Variants in UNC5D observed in about 807,000 individuals in gnomAD.
UNC5D encodes the protein netrin receptor UNC5D.
Under a neutral mutation model 105.4 loss-of-function variants are expected in UNC5D, and 39 were observed. The ratio of observed to expected loss-of-function variants is 0.37; its 90% CI spans 0.29 to 0.48. The LOEUF (loss-of-function observed/expected upper bound fraction) is 0.48, where lower values mean the gene tolerates loss of function less well. UNC5D is among the 20% of genes least tolerant of loss of function. The probability of loss-of-function intolerance (pLI) is 0.98; values close to 1 mark genes in which losing one functional copy is unlikely to be tolerated. For synonymous variants in UNC5D, 452 were observed against 450.4 expected (o/e 1.00, Z -0.04); for missense variants, 991 against 1,202.4 (o/e 0.82, Z 2.60).
intron 4 of UNC5D, among the ~76,000 whole-genome samples, chr8:35,677,243 T>C (rs1457629445): frequency 1.3e-5 from 2 of 152,162 alleles, no homozygotes; most frequent in Admixed American, 1.3e-4. Flanking sequence ...CATTGCACTA[T>C]CATTTTTTAA....
intron 4 of UNC5D, among the ~76,000 whole-genome samples, chr8:35,621,789 A>T (rs948445201): frequency 1.3e-5 from 2 of 152,190 alleles, no homozygotes; most frequent in African/African-American, 4.8e-5. Context: ...AAGGTGCAGC[A>T]TATTCCTGGA....
intron 1 of UNC5D, among the ~76,000 whole-genome samples, chr8:35,409,922 T>C (rs1297789495): frequency 8.0e-6 from 1 of 124,580 alleles, no homozygotes; most frequent in Non-Finnish European, 1.7e-5. Context: ...TTAAGAATCT[T>C]AGCTCTTTTT....
chr8:35,448,148 T>C (rs982197294), intron 1 of UNC5D, among the ~76,000 whole-genome samples: 12 of 152,112 alleles, frequency 7.9e-5, no homozygotes, highest in Non-Finnish European at 1.5e-4. Flanking sequence ...AAAAAATATA[T>C]ATTCTATTCA....
intron 1 of UNC5D, among the ~76,000 whole-genome samples, chr8:35,334,900 G>A (rs1235430014): frequency 6.6e-6 from 1 of 152,068 alleles, no homozygotes; most frequent in Non-Finnish European, 1.5e-5. Context: ...TTAAGATAAT[G>A]AACATACGCC....
At chr8:35,585,206 CA>C (rs1563560631) in intron 3 of UNC5D, among the ~76,000 whole-genome samples, 1 of 152,230 alleles carries the variant, frequency 6.6e-6, no homozygotes, top group East Asian at 1.9e-4. Flanking sequence ...AATTTACCAG[CA>C]GAGGGATTAC....
At chr8:35,309,122 C>G (rs772878261) in intron 1 of UNC5D, among the ~76,000 whole-genome samples, 1 of 152,144 alleles carries the variant, frequency 6.6e-6, no homozygotes, top group Non-Finnish European at 1.5e-5. Flanking sequence ...TCCTCATGAA[C>G]AATTCTGGGA....
intron 1 of UNC5D, among the ~76,000 whole-genome samples, chr8:35,547,629 G>C (rs1013922367): frequency 6.6e-6 from 1 of 152,102 alleles, no homozygotes; most frequent in African/African-American, 2.4e-5. Flanking sequence ...AATGAATTGG[G>C]TTTACCATTG....
chr8:35,375,792 G>A (rs1452862047), intron 1 of UNC5D, among the ~76,000 whole-genome samples: 1 of 152,148 alleles, frequency 6.6e-6, no homozygotes, highest in African/African-American at 2.4e-5. Context: ...TAGTTCAAAT[G>A]CATTTTTGAA....
chr8:35,724,180 A>C lies in UNC5D; in HGVS notation c.1303+1785A>C, dbSNP rs932645300. 1.3e-5 allele frequency: 20 copies of C among 1,482,132 alleles called. No individual in the cohort carries two copies. In the South Asian group the frequency reaches 2.7e-4, roughly 20 times the overall value. The allele number at this position is 1,482,132 out of a possible 1,614,324, so 91.8% of individuals were successfully genotyped here. On this transcript the variant is annotated intron_variant, in intron 9 of 16. Coordinates refer to ENST00000404895, the MANE Select transcript of UNC5D (RefSeq NM_080872.4). ...CTACACTTAAACTCAACTTATGTGT[A>C]TTGTAAATCTCTAAGACAATATTAG...
chr8:35,240,931 G>T (rs550319924), intron 1 of UNC5D, among the ~76,000 whole-genome samples: 4 of 152,180 alleles, frequency 2.6e-5, no homozygotes, highest in Non-Finnish European at 5.9e-5. Flanking sequence ...TTTCCAATAT[G>T]ATAGCTTGCT....
intron 3 of UNC5D, among the ~76,000 whole-genome samples, chr8:35,584,581 G>T (rs577907459): frequency 4.9e-4 from 72 of 147,340 alleles, no homozygotes; most frequent in African/African-American, 1.8e-3. Flanking sequence ...AGCCTATTTT[G>T]TTGTTGTTGT....
intron 1 of UNC5D, among the ~76,000 whole-genome samples, chr8:35,455,768 AC>A (rs1808451036): frequency 1.3e-5 from 2 of 152,168 alleles, no homozygotes; most frequent in African/African-American, 4.8e-5. Context: ...GGCACATCTT[AC>A]ATGGTGGTAG....
At chr8:35,350,091 G>A (rs1309480438) in intron 1 of UNC5D, among the ~76,000 whole-genome samples, 4 of 151,616 alleles carry the variant, frequency 2.6e-5, no homozygotes, top group African/African-American at 4.8e-5. Flanking sequence ...TGGATCTCCC[G>A]AAAGAGTCTT....
chr8:35,560,587 T>C (rs1464473033), intron 2 of UNC5D, among the ~76,000 whole-genome samples: 1 of 152,204 alleles, frequency 6.6e-6, no homozygotes, highest in Non-Finnish European at 1.5e-5. Context: ...TTTATTGTTA[T>C]GGTGGGGGAA....
intron 3 of UNC5D, among the ~76,000 whole-genome samples, chr8:35,584,770 T>A (rs1172173664): frequency 1.3e-5 from 2 of 152,098 alleles, no homozygotes; most frequent in East Asian, 3.9e-4. Flanking sequence ...TCTCTTTATC[T>A]CCTCGTTTGG....
chr8:35,721,537 G>A, intron 8 of UNC5D: 2 of 702,604 alleles, frequency 2.8e-6, no homozygotes, highest in South Asian at 3.0e-5. Flanking sequence ...TTAGAGTCTA[G>A]CATTTAATTG....
intron 1 of UNC5D, among the ~76,000 whole-genome samples, chr8:35,294,222 G>T (rs551070326): frequency 1.2e-4 from 19 of 152,296 alleles, no homozygotes; most frequent in African/African-American, 3.8e-4. Flanking sequence ...AGCACGGTTA[G>T]CGTATGCCTC....
At chr8:35,514,206 C>T (rs6991528) in intron 1 of UNC5D, among the ~76,000 whole-genome samples, 21,566 of 152,194 alleles carry the variant, frequency 0.14, 1,919 homozygotes, top group East Asian at 0.27. Flanking sequence ...GAAAGCATAG[C>T]TGAGCAGTTC....
chr8:35,294,229 C>A (rs1590095), intron 1 of UNC5D, among the ~76,000 whole-genome samples: 124,673 of 152,096 alleles, frequency 0.82, 51,564 homozygotes, highest in East Asian at 1. Flanking sequence ...TTAGCGTATG[C>A]CTCCTGCCTT....
Sources: allele counts gnomAD v4.1 joint callset (sites outside exome capture counted in the v4.1 genomes callset), GRCh38; gene constraint gnomAD v4.1.1; transcripts MANE v1.5; gene names NCBI Gene and HGNC (gene_info 2026-07-23, HGNC 2026-07-21).